FBXW11: variants seen among roughly 807,000 people sequenced by gnomAD.
FBXW11 encodes F-box and WD repeat domain containing 11.
Under a neutral mutation model 77.6 loss-of-function variants are expected in FBXW11, and 19 were observed. The ratio of observed to expected loss-of-function variants is 0.24; its 90% confidence interval spans 0.17 to 0.36. FBXW11 has a LOEUF of 0.36. Ranked by LOEUF, FBXW11 falls within the 10% of genes least tolerant of loss-of-function variation. The pLI, the probability that FBXW11 is intolerant of heterozygous loss-of-function variation, is 1.00. For missense variants in FBXW11, 334 were observed against 704.2 expected, an observed-to-expected ratio of 0.47 and a Z score of 5.95; for synonymous variants, 235 against 249.4, an observed-to-expected ratio of 0.94 and a Z score of 0.54.
intron 1 of FBXW11, 64 bp from the exon 2 acceptor site, chr5:171,957,762 C>T: frequency 1.5e-6 from 2 of 1,361,860 alleles, no homozygotes; most frequent in East Asian, 4.6e-5. Context: ...ATCACTCCTT[C>T]ACACAGGCAA....
chr5:171,946,438 C>A (rs945195361), intron 2 of FBXW11, among the ~76,000 whole-genome samples: 2 of 152,184 alleles, frequency 1.3e-5, no homozygotes, highest in Non-Finnish European at 2.9e-5. Context: ...GAATAAAAGC[C>A]AAAGTCTACG....
intron 1 of FBXW11, among the ~76,000 whole-genome samples, chr5:172,000,098 C>G (rs1487616687): frequency 6.6e-6 from 1 of 152,156 alleles, no homozygotes; most frequent in Non-Finnish European, 1.5e-5. Flanking sequence ...AGAAACTAAC[C>G]AAGGGTAACG....
rs540096964 is a variant in FBXW11 at position 171,881,980 on chromosome 5, C to T, written c.853-3851G>A. Among the ~76,000 whole-genome samples the T allele has an allele frequency of 5.9e-5, 9 of 152,142 alleles. No homozygotes were observed. In the South Asian group the frequency reaches 1.0e-3, roughly 18 times the overall value. On this transcript the variant is annotated intron_variant, in intron 7 of 13. Transcript: ENST00000517395. ...TTTTTTTCTATGTTAGCATAGCTAA[C>T]GTAATTATCAATTTTACTCATCTTT...
chr5:171,879,062 A>G (rs1561640993), intron 7 of FBXW11, among the ~76,000 whole-genome samples: 1 of 152,230 alleles, frequency 6.6e-6, no homozygotes, highest in Non-Finnish European at 1.5e-5. Context: ...ATGACTATGT[A>G]TATTTTAGAA....
intron 2 of FBXW11, among the ~76,000 whole-genome samples, chr5:171,937,405 A>G (rs889660288): frequency 6.6e-6 from 1 of 152,190 alleles, no homozygotes; most frequent in Non-Finnish European, 1.5e-5. Flanking sequence ...AAAGGGTCAG[A>G]TGTAAATATT....
intron 2 of FBXW11, among the ~76,000 whole-genome samples, chr5:171,948,201 C>T (rs1034230856): frequency 7.4e-6 from 1 of 134,996 alleles, no homozygotes; most frequent in Admixed American, 8.0e-5. Flanking sequence ...TGCCACTGCA[C>T]ACCAGCCTGG....
intron 1 of FBXW11, among the ~76,000 whole-genome samples, chr5:171,961,961 A>G (rs1465460432): frequency 6.6e-6 from 1 of 152,138 alleles, no homozygotes; most frequent in Non-Finnish European, 1.5e-5. Context: ...GTGATTCTTG[A>G]AGCTTCAAAT....
chr5:171,999,094 A>G (rs970262707), intron 1 of FBXW11, among the ~76,000 whole-genome samples: 11 of 152,292 alleles, frequency 7.2e-5, no homozygotes, highest in African/African-American at 2.6e-4. Context: ...GGAGATCACA[A>G]AAGTAAAATC....
At chr5:171,867,883 A>G (rs1320711940) in intron 13 of FBXW11, 1 of 152,246 alleles carries the variant, frequency 6.6e-6, no homozygotes, top group East Asian at 1.9e-4. Flanking sequence ...TAATGTGTAT[A>G]GAATTCACTG....
rs146834064 is a variant in FBXW11 at position 171,985,127 on chromosome 5, G to C, written c.45+21331C>G. Among the ~76,000 whole-genome samples, 432 of 152,222 alleles carry C rather than the reference G, an allele frequency of 2.8e-3. 1 individual carries two copies. The highest frequency in any genetic ancestry group is 9.9e-3 in the African/African-American group (410 of 41,528). ...TCATTTCCTCCTCTTCATACCATCT[G>C]TTACTATCTCATCTTTCCTTCCCTG... On this transcript the variant is annotated intron_variant, in intron 1 of 13. Coordinates refer to ENST00000517395, the MANE Select transcript of FBXW11 (RefSeq NM_001378974.1).
At chr5:171,973,524 A>G (rs1764649792) in intron 1 of FBXW11, among the ~76,000 whole-genome samples, 1 of 152,228 alleles carries the variant, frequency 6.6e-6, no homozygotes, top group African/African-American at 2.4e-5. Context: ...ATAAAAAAAG[A>G]GGACAGTCTG....
In FBXW11 at chr5:171,876,280, C is replaced by G. The variant is rs748226503; in HGVS notation, c.1221+5G>C. On this transcript the variant is annotated splice_donor_5th_base_variant and intron_variant, in intron 9 of 13. Transcript: ENST00000517395. This position sits in a 1 kb window ranked among gnomAD's most constrained non-coding sequence, Gnocchi z 4.2. ...AGGTAGGGTTATGACTGCAGACATA[C>G]TTACTTTGATGGTCCTGTCACCAGA... The G allele has an allele frequency of 6.2e-7, 1 of 1,614,112 alleles. No homozygotes were observed. Among genetic ancestry groups the G allele is most frequent in the Admixed American group, 1.7e-5 (1 of 60,024 alleles).
Position 171,899,094 on chromosome 5 carries a change from C to A in FBXW11, c.624G>T (p.Trp208Cys). 1 of 1,585,634 alleles carries A rather than the reference C, an allele frequency of 6.3e-7. No homozygotes were observed. Residue 208 changes from tryptophan (W) to cysteine (C), a missense_variant and splice_region_variant, in exon 6 of 14, where the codon TGG (tryptophan) becomes TGT (cysteine). Physicochemically the swap from Trp to Cys is radical, Grantham distance 215. Transcript: ENST00000517395. Reference protein sequence around the residue: ...LWKGLSERRGWDQYLFKNRPT... With the variant: ...LWKGLSERRGCDQYLFKNRPT... ...GTCTGTTTTTAAACAGGTACTGATC[C>A]CTGGCAAATAAAAACAAACAGATGT...
chr5:171,931,443 A>C (rs1405191306), intron 2 of FBXW11, among the ~76,000 whole-genome samples: 3 of 152,220 alleles, frequency 2.0e-5, no homozygotes, highest in African/African-American at 7.2e-5. Flanking sequence ...TACGATGAAG[A>C]GTCTCATCAA....
At chr5:171,881,389 A>C (rs1758490751) in intron 7 of FBXW11, among the ~76,000 whole-genome samples, 1 of 152,172 alleles carries the variant, frequency 6.6e-6, no homozygotes, top group South Asian at 2.1e-4. Context: ...GTTCCCCTCT[A>C]TTCATAGTTT....
At chr5:171,967,509 G>T (rs1271925429) in intron 1 of FBXW11, among the ~76,000 whole-genome samples, 1 of 152,064 alleles carries the variant, frequency 6.6e-6, no homozygotes, top group African/African-American at 2.4e-5. Context: ...AACAAACCAG[G>T]ACTTACATTA....
intron 6 of FBXW11, among the ~76,000 whole-genome samples, chr5:171,894,136 C>T (rs1329831198): frequency 1.3e-5 from 2 of 152,044 alleles, no homozygotes; most frequent in Non-Finnish European, 2.9e-5. Flanking sequence ...GAGCCAGGGT[C>T]AGGTACATAC....
rs978904726 is a variant in FBXW11 at position 171,863,014 on chromosome 5, T to C, written c.*1113A>G. On this transcript the variant is annotated 3_prime_UTR_variant, in exon 14 of 14. Coordinates refer to ENST00000517395, the MANE Select transcript of FBXW11 (RefSeq NM_001378974.1). ...GACCACTTGTACTCAGGAGTACTTA[T>C]GAGAAAAAGAATAAGAACAAAAAAT... 5 of 152,282 alleles carry C rather than the reference T, an allele frequency of 3.3e-5. No individual in the cohort carries two copies. Among genetic ancestry groups the C allele is most frequent in the Non-Finnish European group, 7.3e-5 (5 of 68,044 alleles). The allele number at this position is 152,282 out of a possible 1,614,324, so 9.4% of individuals were successfully genotyped here.
intron 1 of FBXW11, among the ~76,000 whole-genome samples, chr5:171,959,836 C>T (rs115905367): frequency 2.2e-4 from 29 of 130,496 alleles, no homozygotes; most frequent in Admixed American, 1.1e-3. Context: ...AGCGACTGAG[C>T]GAGACTGCCT....
Sources: gnomAD v4.1 joint callset for allele counts (sites outside exome capture counted in the v4.1 genomes callset) on GRCh38, gnomAD v4.1.1 for gene constraint, Gnocchi (gnomAD v3.1) non-coding constraint, MANE v1.5 for transcripts, NCBI Gene and HGNC (gene_info 2026-07-23, HGNC 2026-07-21) for gene names.